The following XIRP2 variants were observed in gnomAD, a reference collection of about 807,000 sequenced individuals.
The protein encoded by XIRP2 is xin actin binding repeat containing 2.
In XIRP2, 236 loss-of-function variants were observed where a neutral mutation model predicts 277.0. That is an observed-to-expected ratio of 0.85 (90% CI 0.77 to 0.95). XIRP2 has a LOEUF of 0.95. Ranked by LOEUF, XIRP2 falls within the 40% of genes least tolerant of loss-of-function variation. The probability of loss-of-function intolerance (pLI) is 0.00; values close to 1 mark genes in which losing one functional copy is unlikely to be tolerated. For missense variants in XIRP2, 4,640 were observed against 4,157.5 expected, an observed-to-expected ratio of 1.12 and a Z score of -3.19; for synonymous variants, 1,490 against 1,416.5, an observed-to-expected ratio of 1.05 and a Z score of -1.17.
intron 6 of XIRP2, 49 bp from the exon 7 acceptor site, chr2:167,240,614 AT>A: frequency 6.6e-7 from 1 of 1,520,594 alleles, no homozygotes; most frequent in Non-Finnish European, 9.1e-7. Flanking sequence ...TAGTACTAAA[AT>A]AATTGACTTC....
chr2:166,903,439 T>A, intron 1 of XIRP2, 26 bp from the exon 2 acceptor site: 1 of 1,570,932 alleles, frequency 6.4e-7, no homozygotes, highest in Non-Finnish European at 8.6e-7. Flanking sequence ...AGTGTATCAC[T>A]GATAAAAGGA....
rs1338153008 is a variant in XIRP2, at chr2:167,005,316, C to T, written c.408+101426C>T. ...TATATTAGCCTAGGACATCTTTTAT[C>T]TGTTTTGTTTGTTTGCCAATGAAGT... On this transcript the variant is annotated intron_variant, in intron 2 of 10. Transcript: ENST00000409195. Among the ~76,000 whole-genome samples the T allele has an allele frequency of 2.6e-5, 4 of 151,904 alleles. No individual in the cohort carries two copies. In the East Asian group the frequency reaches 7.8e-4, roughly 29 times the overall value.
intron 2 of XIRP2, among the ~76,000 whole-genome samples, chr2:167,062,179 C>G (rs1689188342): frequency 6.6e-6 from 1 of 152,080 alleles, no homozygotes; most frequent in African/African-American, 2.4e-5. Context: ...TGCATCTTTT[C>G]CAACTCTGCG....
chr2:167,171,565 C>T (rs1456713730), intron 3 of XIRP2, among the ~76,000 whole-genome samples: 1 of 152,116 alleles, frequency 6.6e-6, no homozygotes, highest in African/African-American at 2.4e-5. Flanking sequence ...TTATACATGT[C>T]AACTAAGTCA....
At chr2:167,018,744 C>A (rs1313611361) in intron 2 of XIRP2, among the ~76,000 whole-genome samples, 1 of 152,112 alleles carries the variant, frequency 6.6e-6, no homozygotes, top group African/African-American at 2.4e-5. Context: ...CCTGAAGAAC[C>A]ATTTCCTACC....
chr2:167,000,021 A>T (rs1404488585), intron 2 of XIRP2, among the ~76,000 whole-genome samples: 1 of 152,230 alleles, frequency 6.6e-6, no homozygotes, highest in Non-Finnish European at 1.5e-5. Context: ...TATGTTGCAA[A>T]ATAAATTTCC....
At chr2:167,256,813 T>G (rs1449216762) in intron 10 of XIRP2, among the ~76,000 whole-genome samples, 2 of 151,942 alleles carry the variant, frequency 1.3e-5, no homozygotes, top group African/African-American at 2.4e-5. Flanking sequence ...GGCAGCTTGA[T>G]TTCCAGAATT....
chr2:167,137,978 A>G (rs900721170), intron 3 of XIRP2, among the ~76,000 whole-genome samples: 1 of 152,202 alleles, frequency 6.6e-6, no homozygotes, highest in Non-Finnish European at 1.5e-5. Context: ...TAACTTGGAC[A>G]GCATGCAAGT....
intron 2 of XIRP2, among the ~76,000 whole-genome samples, chr2:167,023,895 C>G (rs1045769126): frequency 3.3e-5 from 5 of 152,114 alleles, no homozygotes; most frequent in African/African-American, 4.8e-5. Flanking sequence ...AGCGTGATGC[C>G]TCTGGCTGTG....
chr2:167,227,852 T>G (rs1055268772), intron 5 of XIRP2, among the ~76,000 whole-genome samples: 1 of 152,068 alleles, frequency 6.6e-6, no homozygotes, highest in African/African-American at 2.4e-5. Context: ...CAATAATTAA[T>G]TAAGACTGAA....
intron 3 of XIRP2, among the ~76,000 whole-genome samples, chr2:167,173,215 T>C (rs1692746400): frequency 6.6e-6 from 1 of 152,220 alleles, no homozygotes; most frequent in Non-Finnish European, 1.5e-5. Flanking sequence ...AAATAGTTCC[T>C]ATTAATTCTT....
intron 2 of XIRP2, among the ~76,000 whole-genome samples, chr2:167,119,898 T>C (rs1691004147): frequency 1.3e-5 from 2 of 152,304 alleles, no homozygotes; most frequent in South Asian, 4.1e-4. Context: ...ATAAGAGCAC[T>C]CCTTCTCCCT....
At chr2:167,064,041 A>C (rs530210790) in intron 2 of XIRP2, among the ~76,000 whole-genome samples, 28 of 151,800 alleles carry the variant, frequency 1.8e-4, no homozygotes, top group South Asian at 6.2e-4. Context: ...TCAAATATTT[A>C]AGATACCTTT....
At chr2:166,988,216 A>G (rs1433594195) in intron 2 of XIRP2, among the ~76,000 whole-genome samples, 3 of 152,164 alleles carry the variant, frequency 2.0e-5, no homozygotes, top group Non-Finnish European at 4.4e-5. Flanking sequence ...CTGTTGTATT[A>G]TTGCCAAATA....
At chr2:166,965,230 C>T (rs935717939) in intron 2 of XIRP2, among the ~76,000 whole-genome samples, 7 of 151,850 alleles carry the variant, frequency 4.6e-5, no homozygotes, top group Non-Finnish European at 8.8e-5. Flanking sequence ...ACCTTCTGAC[C>T]TGACTTACCA....
chr2:166,977,159 T>A (rs915950648), intron 2 of XIRP2, among the ~76,000 whole-genome samples: 2 of 152,208 alleles, frequency 1.3e-5, no homozygotes, highest in Non-Finnish European at 2.9e-5. Flanking sequence ...AATCCTTTTT[T>A]TAAAAAGTTT....
intron 2 of XIRP2, among the ~76,000 whole-genome samples, chr2:167,080,603 T>G (rs1258456326): frequency 6.6e-6 from 1 of 152,172 alleles, no homozygotes; most frequent in African/African-American, 2.4e-5. Context: ...GGAAGGAAGG[T>G]GGAAACATCT....
At chr2:167,160,593 C>T (rs1049286283) in intron 3 of XIRP2, among the ~76,000 whole-genome samples, 2 of 152,148 alleles carry the variant, frequency 1.3e-5, no homozygotes, top group Admixed American at 1.3e-4. Context: ...TTAAAACCAT[C>T]AGATCTCGTG....
rs374760800 is a variant in XIRP2 at position 167,179,323 on chromosome 2, G to GTTTTTT, written c.563-31402_563-31397dup. 1.7e-4 allele frequency among the ~76,000 whole-genome samples: 20 copies of GTTTTTT among 120,508 alleles called. No homozygotes were observed. In the South Asian group the frequency reaches 4.4e-3, roughly 27 times the overall value. 79.1% of individuals were successfully genotyped at this position (120,508 alleles called of 152,430 possible). ...ACATTAATCATTTTCTTTTTTTCTT[G>GTTTTTT]TTTTTTTTTTTTTTTGAGACAAAGT... On this transcript the variant is annotated intron_variant, in intron 3 of 10. Transcript: ENST00000409195.
Sources: gnomAD v4.1 joint callset for allele counts (sites outside exome capture counted in the v4.1 genomes callset) on GRCh38, gnomAD v4.1.1 for gene constraint, MANE v1.5 for transcripts, NCBI Gene and HGNC (gene_info 2026-07-23, HGNC 2026-07-21) for gene names.